PDE1C: variants seen among roughly 807,000 people sequenced by gnomAD.
The protein encoded by PDE1C is phosphodiesterase 1C.
Under a neutral mutation model 93.1 loss-of-function variants are expected in PDE1C, and 62 were observed. The observed-to-expected ratio is 0.67, with a 90% CI of 0.54 to 0.82. The LOEUF is 0.82. PDE1C is among the 40% of genes least tolerant of loss of function. The probability of loss-of-function intolerance (pLI) is 0.00; values close to 1 mark genes in which losing one functional copy is unlikely to be tolerated. For missense variants in PDE1C, 742 were observed against 884.6 expected, an observed-to-expected ratio of 0.84 and a Z score of 2.04; for synonymous variants, 325 against 310.1, an observed-to-expected ratio of 1.05 and a Z score of -0.50.
At chr7:31,986,263 G>C (rs372597685) in intron 2 of PDE1C, among the ~76,000 whole-genome samples, 39 of 152,076 alleles carry the variant, frequency 2.6e-4, no homozygotes, top group South Asian at 1.0e-3. Context: ...CCTTGTAGCT[G>C]TCTGACTCCA....
intron 2 of PDE1C, among the ~76,000 whole-genome samples, chr7:32,208,710 T>C (rs1416788019): frequency 6.6e-6 from 1 of 151,868 alleles, no homozygotes; most frequent in Non-Finnish European, 1.5e-5. Flanking sequence ...TCTCTAGTAT[T>C]TTCCCCCCCC....
At chr7:32,074,321 T>C (rs1796232703), upstream of PDE1C, among the ~76,000 whole-genome samples, 2 of 152,186 alleles carry the variant, frequency 1.3e-5, no homozygotes, top group African/African-American at 4.8e-5. Flanking sequence ...AATAACCACA[T>C]CTACCACCCT....
At chr7:31,977,864 C>A (rs1160014489) in intron 2 of PDE1C, among the ~76,000 whole-genome samples, 2 of 152,110 alleles carry the variant, frequency 1.3e-5, no homozygotes, top group Non-Finnish European at 2.9e-5. Context: ...GTGAAAAAAG[C>A]CACCACTGAC....
At chr7:32,032,277 C>T (rs1363785365) in intron 2 of PDE1C, among the ~76,000 whole-genome samples, 1 of 152,114 alleles carries the variant, frequency 6.6e-6, no homozygotes, top group African/African-American at 2.4e-5. Flanking sequence ...ACCTCATGTT[C>T]TAAAGAGGAA....
chr7:31,969,158 C>T (rs1178972129), intron 2 of PDE1C, among the ~76,000 whole-genome samples: 1 of 151,698 alleles, frequency 6.6e-6, no homozygotes, highest in Non-Finnish European at 1.5e-5. Flanking sequence ...AAGAGCTTTG[C>T]TGTGCTTCTG....
At chr7:32,144,319 C>T (rs545986573) in intron 3 of PDE1C, among the ~76,000 whole-genome samples, 1 of 152,216 alleles carries the variant, frequency 6.6e-6, no homozygotes, top group East Asian at 1.9e-4. Context: ...TGCAACAGGA[C>T]CCCTGGCAGC....
At chr7:32,298,931 G>T (rs1030809851) in exon 1 of PDE1C, 40 of 1,339,986 alleles carry the variant, frequency 3.0e-5, no homozygotes, top group African/African-American at 4.7e-5. Flanking sequence ...CAGCTAAAGC[G>T]CTAGGAGCTC....
chr7:32,118,271 T>G (rs548683020), intron 3 of PDE1C, among the ~76,000 whole-genome samples: 1 of 152,146 alleles, frequency 6.6e-6, no homozygotes, highest in Non-Finnish European at 1.5e-5. Context: ...TGTGAGCAGA[T>G]AGAGAAATAT....
intron 1 of PDE1C, among the ~76,000 whole-genome samples, chr7:32,357,059 C>G (rs937917550): frequency 3.9e-5 from 6 of 152,188 alleles, no homozygotes; most frequent in African/African-American, 1.4e-4. Context: ...TTAGGCCGGG[C>G]TCAGTGGCTC....
intron 3 of PDE1C, among the ~76,000 whole-genome samples, chr7:32,164,804 G>C (rs1273820318): frequency 1.3e-5 from 2 of 152,182 alleles, no homozygotes; most frequent in East Asian, 1.9e-4. Flanking sequence ...TCAGCAGCCA[G>C]CTCTTTCATG....
chr7:32,114,011 T>G (rs1798835467), intron 3 of PDE1C, among the ~76,000 whole-genome samples: 2 of 152,230 alleles, frequency 1.3e-5, no homozygotes, highest in South Asian at 4.1e-4. Flanking sequence ...CATTCTATCC[T>G]CATGGATAGG....
intron 2 of PDE1C, among the ~76,000 whole-genome samples, chr7:31,978,110 A>G (rs1811902128): frequency 1.3e-5 from 2 of 152,158 alleles, no homozygotes; most frequent in South Asian, 4.1e-4. Flanking sequence ...TCCAAAGTTC[A>G]TACACTGCAC....
intron 2 of PDE1C, among the ~76,000 whole-genome samples, chr7:31,981,403 C>T (rs530349044): frequency 1.4e-4 from 21 of 152,262 alleles, no homozygotes; most frequent in Non-Finnish European, 2.8e-4. Flanking sequence ...ATCACATCTT[C>T]ACTTAACATA....
At chr7:32,224,368 C>G (rs893258711) in intron 1 of PDE1C, among the ~76,000 whole-genome samples, 2 of 150,668 alleles carry the variant, frequency 1.3e-5, no homozygotes, top group East Asian at 3.9e-4. Flanking sequence ...GAGACTCCAT[C>G]TCAAAAAAAA....
intron 3 of PDE1C, among the ~76,000 whole-genome samples, chr7:32,134,804 T>G (rs903827600): frequency 1.3e-5 from 2 of 152,068 alleles, no homozygotes. Context: ...AGATAGCTAA[T>G]GCATGTGGGG....
chr7:31,677,387 C>G, the PDE1C span, among the ~76,000 whole-genome samples: 282 of 152,292 alleles, frequency 1.9e-3, 2 homozygotes, highest in African/African-American at 6.3e-3. Flanking sequence ...TTACGACTAT[C>G]CATGCAAATA....
At chr7:32,108,230 C>CAAAAAAAAAAAAAAAAAAAAAAAA in intron 3 of PDE1C, among the ~76,000 whole-genome samples, 1 of 77,062 alleles carries the variant, frequency 1.3e-5, no homozygotes, top group Non-Finnish European at 2.5e-5. Context: ...AAAAGCAAGA[C>CAAAAAAAAAAAAAAAAAAAAAAAA]AAAAAAAAAA....
chr7:32,061,528 G>A (rs61368520), intron 1 of PDE1C, among the ~76,000 whole-genome samples: 11,683 of 152,288 alleles, frequency 0.077, 514 homozygotes, highest in Non-Finnish European at 0.09. Context: ...GAGCCTCCAC[G>A]CAGCCAAGCT....
intron 9 of PDE1C, among the ~76,000 whole-genome samples, chr7:31,845,410 T>C (rs1185595662): frequency 6.6e-6 from 1 of 152,130 alleles, no homozygotes; most frequent in Non-Finnish European, 1.5e-5. Context: ...TGATGTTTTG[T>C]TTTAGCAGGC....
Sources: gnomAD v4.1 joint callset for allele counts (sites outside exome capture counted in the v4.1 genomes callset) on GRCh38, gnomAD v4.1.1 for gene constraint, MANE v1.5 for transcripts, NCBI Gene and HGNC (gene_info 2026-07-23, HGNC 2026-07-21) for gene names.